The following PTAR1 variants were observed in gnomAD, a reference collection of about 807,000 sequenced individuals.
PTAR1 encodes protein prenyltransferase alpha subunit repeat-containing protein 1.
In PTAR1, 17 loss-of-function variants were observed where a neutral mutation model predicts 45.5. The observed-to-expected ratio is 0.37, with a 90% CI of 0.26 to 0.56. PTAR1 has a LOEUF of 0.56. PTAR1 is among the 20% of genes least tolerant of loss of function. PTAR1 has a pLI of 0.77. For synonymous variants in PTAR1, 169 were observed against 171.3 expected (o/e 0.99, Z 0.11); for missense variants, 391 against 476.3 (o/e 0.82, Z 1.67).
chr9:69,750,931 G>T lies in PTAR1; in HGVS notation c.106C>A (p.Pro36Thr). 2 of 1,595,456 alleles carry T rather than the reference G, an allele frequency of 1.3e-6. No individual in the cohort carries two copies. The highest frequency in any genetic ancestry group is 4.5e-5 in the East Asian group (2 of 44,530). ...CGGTTATACCTAGCTTCAGGACATG[G>T]GATCAGGCCAATTTCATCTCTTAAT... The part of the protein sequence containing the change: ...NPHIDEIGLI[P>T]CPEARYNRSP... Residue 36 changes from proline to threonine, a missense_variant, in exon 2 of 8, where the codon CCA becomes ACA. Transcript: ENST00000340434.
rs1431069159 is a variant in PTAR1 at position 69,746,272 on chromosome 9, T to TAC, written c.257-4415_257-4414insGT. ...TCACAACAACCCTCTGAGGTCTTGA[T>TAC]TAGTATTTCCTTCTTTTGGTGTGGA... is the stretch of plus-strand genomic sequence containing the variant. On this transcript the variant is annotated intron_variant, in intron 2 of 7. Coordinates refer to ENST00000340434, the MANE Select transcript of PTAR1 (RefSeq NM_001099666.2). Among the ~76,000 whole-genome samples the TAC allele has an allele frequency of 2.0e-5, 3 of 152,210 alleles. No homozygotes were observed. The East Asian group carries it at 5.8e-4, about 29-fold the overall frequency.
rs1475807549 is a variant in PTAR1, at chr9:69,738,799, T to C, written c.323+2993A>G. Reference sequence around the variant, plus strand: ...TTTATCTATATAAAAAAAATTTCCCTAACACCTCAATTTTTTTTTTTTTTT... The same window carrying C: ...TTTATCTATATAAAAAAAATTTCCCCAACACCTCAATTTTTTTTTTTTTTT... On this transcript the variant is annotated intron_variant, in intron 3 of 7. Transcript: ENST00000340434. 2.2e-5 allele frequency among the ~76,000 whole-genome samples: 3 copies of C among 137,276 alleles called. No individual in the cohort carries two copies. In the East Asian group the frequency reaches 6.9e-4, roughly 31 times the overall value. 90.1% of individuals were successfully genotyped at this position (137,276 alleles called of 152,430 possible).
chr9:69,747,924 G>A (rs1002528772), intron 2 of PTAR1, among the ~76,000 whole-genome samples: 2 of 152,130 alleles, frequency 1.3e-5, no homozygotes, highest in South Asian at 2.1e-4. Context: ...AAGGAGTTTC[G>A]ACTCTACGTT....
intron 5 of PTAR1, among the ~76,000 whole-genome samples, chr9:69,727,956 T>C (rs543837203): frequency 6.6e-6 from 1 of 152,274 alleles, no homozygotes; most frequent in South Asian, 2.1e-4. Context: ...CCCATTCCTA[T>C]TAGAAGTTAC....
chr9:69,732,108 C>G, intron 5 of PTAR1, 31 bp downstream of exon 5: 4 of 1,505,466 alleles, frequency 2.7e-6, no homozygotes, highest in South Asian at 1.1e-5. Context: ...GGCAGACAGG[C>G]AGTCTGCCCA....
At chr9:69,748,920 C>T (rs912830063) in intron 2 of PTAR1, among the ~76,000 whole-genome samples, 3 of 152,000 alleles carry the variant, frequency 2.0e-5, no homozygotes, top group Non-Finnish European at 4.4e-5. Flanking sequence ...ATTATGCTAT[C>T]CACCCCCCTC....
chr9:69,754,227 T>C (rs1042522674), intron 1 of PTAR1, among the ~76,000 whole-genome samples: 1 of 152,118 alleles, frequency 6.6e-6, no homozygotes, highest in Non-Finnish European at 1.5e-5. Context: ...AGGGACTGCA[T>C]TCCTCTGTCA....
At position 69,716,043 on chromosome 9, in the gene PTAR1, T is replaced by C. The variant is rs1824716101; in HGVS notation, c.*2299A>G. ...AATCAGTGGAAGGTACACAAAGGCA[T>C]GGAGCACTATAAAACTTAGCTAGTG... On this transcript the variant is annotated 3_prime_UTR_variant, in exon 8 of 8. Transcript: ENST00000340434. 1 of 152,100 alleles carries C rather than the reference T, an allele frequency of 6.6e-6. No homozygotes were observed. 9.4% of individuals were successfully genotyped at this position (152,100 alleles called of 1,614,324 possible).
intron 2 of PTAR1, among the ~76,000 whole-genome samples, chr9:69,750,468 A>G (rs1826476309): frequency 6.6e-6 from 1 of 151,946 alleles, no homozygotes; most frequent in Non-Finnish European, 1.5e-5. Flanking sequence ...AGTGACATTC[A>G]GATTTTTTTT....
intron 6 of PTAR1, among the ~76,000 whole-genome samples, chr9:69,720,291 G>A (rs1824936570): frequency 6.6e-6 from 1 of 152,184 alleles, no homozygotes; most frequent in Admixed American, 6.5e-5. Flanking sequence ...CTGATATGGA[G>A]AACGTTTTAG....
intron 3 of PTAR1, among the ~76,000 whole-genome samples, chr9:69,740,221 A>C (rs927015716): frequency 2.0e-5 from 3 of 151,798 alleles, no homozygotes; most frequent in Non-Finnish European, 4.4e-5. Context: ...GTATGTATGT[A>C]TGTAGGTATA....
intron 2 of PTAR1, among the ~76,000 whole-genome samples, chr9:69,743,682 A>C (rs1826137942): frequency 6.6e-6 from 1 of 152,188 alleles, no homozygotes; most frequent in Non-Finnish European, 1.5e-5. Flanking sequence ...TTATCAAGAA[A>C]AATAAATATA....
chr9:69,753,192 T>A (rs764225930), intron 1 of PTAR1, among the ~76,000 whole-genome samples: 1 of 152,080 alleles, frequency 6.6e-6, no homozygotes, highest in African/African-American at 2.4e-5. Flanking sequence ...TGCTCACTAA[T>A]TAAACTAGGA....
chr9:69,720,605 C>G (rs534340605), intron 6 of PTAR1, among the ~76,000 whole-genome samples: 107 of 152,210 alleles, frequency 7.0e-4, no homozygotes, highest in African/African-American at 2.4e-3. Context: ...GATGAAATAC[C>G]CTTCTATTGA....
intron 1 of PTAR1, among the ~76,000 whole-genome samples, chr9:69,754,464 CA>C (rs1826670469): frequency 7.0e-6 from 1 of 142,934 alleles, no homozygotes; most frequent in African/African-American, 2.6e-5. Flanking sequence ...AAAAACAAAA[CA>C]AAACAAAAAA....
chr9:69,747,886 G>A (rs1826344713), intron 2 of PTAR1, among the ~76,000 whole-genome samples: 1 of 152,194 alleles, frequency 6.6e-6, no homozygotes, highest in African/African-American at 2.4e-5. Flanking sequence ...ACTGGGGACA[G>A]ACTGTGAAGG....
intron 6 of PTAR1, among the ~76,000 whole-genome samples, chr9:69,720,076 G>T (rs908398009): frequency 1.4e-4 from 22 of 152,162 alleles, no homozygotes; most frequent in African/African-American, 5.3e-4. Context: ...CAAGTGAAAG[G>T]AAGAGTCACA....
intron 1 of PTAR1, chr9:69,758,491 A>G (rs914652836): frequency 6.1e-6 from 1 of 163,488 alleles, no homozygotes; most frequent in African/African-American, 2.4e-5. Context: ...CTCAGCAACC[A>G]CTATGGATAC....
At position 69,712,389 on chromosome 9, in the gene PTAR1, A is replaced by G. The variant is rs1824556482; in HGVS notation, c.*5953T>C. The G allele has an allele frequency of 6.6e-6, 1 of 152,170 alleles. No individual in the cohort carries two copies. The highest frequency in any genetic ancestry group is 1.9e-4 in the East Asian group (1 of 5,200). 9.4% of individuals were successfully genotyped at this position (152,170 alleles called of 1,614,324 possible). On this transcript the variant is annotated 3_prime_UTR_variant, in exon 8 of 8. Transcript: ENST00000340434. Reference sequence around the variant, plus strand: ...AATAAAGAAAACTGCTTTAAGTAGGAGCACTTTTAGCATACACAAAAATAA... The same window carrying G: ...AATAAAGAAAACTGCTTTAAGTAGGGGCACTTTTAGCATACACAAAAATAA...
Sources: gnomAD v4.1 joint callset for allele counts (sites outside exome capture counted in the v4.1 genomes callset) on GRCh38, gnomAD v4.1.1 for gene constraint, MANE v1.5 for transcripts, NCBI Gene and HGNC (gene_info 2026-07-23, HGNC 2026-07-21) for gene names.